Variants in WDR82 observed in about 807,000 individuals in gnomAD.
The protein encoded by WDR82 is WD repeat-containing protein 82.
A neutral mutation model predicts 36.1 loss-of-function variants in WDR82; 8 were observed. The observed-to-expected ratio is 0.22, with a 90% CI of 0.13 to 0.40. The LOEUF is 0.40. Among genes scored for constraint, WDR82 ranks in the 10% least tolerant of loss-of-function variants. The pLI, the probability that WDR82 is intolerant of heterozygous loss-of-function variation, is 1.00. For synonymous variants in WDR82, 129 were observed against 137.8 expected (o/e 0.94, Z 0.45); for missense variants, 185 against 400.5 (o/e 0.46, Z 4.59).
At chr3:52,269,363 T>C (rs1700133433) in intron 2 of WDR82, among the ~76,000 whole-genome samples, 1 of 152,096 alleles carries the variant, frequency 6.6e-6, no homozygotes, top group Non-Finnish European at 1.5e-5. Context: ...TAATACCAGC[T>C]ACTTGGGAGG....
At chr3:52,266,334 T>G (rs555580888) in intron 3 of WDR82, among the ~76,000 whole-genome samples, 3 of 152,256 alleles carry the variant, frequency 2.0e-5, no homozygotes, top group Admixed American at 6.5e-5. Context: ...AAGTTTTCAC[T>G]GAATATCTTT....
At chr3:52,269,807 A>C (rs1051983895) in intron 2 of WDR82, among the ~76,000 whole-genome samples, 2 of 152,232 alleles carry the variant, frequency 1.3e-5, no homozygotes, top group African/African-American at 2.4e-5. Flanking sequence ...AATAAGTGTT[A>C]CAGTTCAGTT....
chr3:52,268,258 G>T, intron 2 of WDR82: 1 of 467,338 alleles, frequency 2.1e-6, no homozygotes, highest in Non-Finnish European at 4.5e-6. Flanking sequence ...AGCCCCACTT[G>T]GCAGCTGGCG....
intron 1 of WDR82, 57 bp downstream of exon 1, chr3:52,278,144 G>T: frequency 6.7e-7 from 1 of 1,502,288 alleles, no homozygotes; most frequent in Non-Finnish European, 8.9e-7. Context: ...AGGGACCTGT[G>T]CTGGGCCACC....
chr3:52,265,605 T>C (rs1368932115), intron 3 of WDR82, among the ~76,000 whole-genome samples: 1 of 142,946 alleles, frequency 7.0e-6, no homozygotes, highest in Non-Finnish European at 1.5e-5. Context: ...AGGGTCTTGC[T>C]CTGTCACCCA....
intron 2 of WDR82, chr3:52,268,040 G>C (rs948530872): frequency 4.4e-6 from 1 of 224,728 alleles, no homozygotes; most frequent in African/African-American, 2.3e-5. Context: ...ACTTGGGAGG[G>C]GGAATAGGGG....
chr3:52,268,292 C>G (rs1578009034), intron 2 of WDR82: 1 of 471,810 alleles, frequency 2.1e-6, no homozygotes. Context: ...AAGGCAGTGG[C>G]CTGTACAGTT....
chr3:52,263,631 T>A (rs1432601690), intron 3 of WDR82, among the ~76,000 whole-genome samples: 2 of 152,316 alleles, frequency 1.3e-5, no homozygotes, highest in Admixed American at 6.5e-5. Flanking sequence ...AAGTGACACA[T>A]GAGGTTAAAC....
chr3:52,270,658 G>T, intron 2 of WDR82, 54 bp downstream of exon 2: 1 of 1,363,742 alleles, frequency 7.3e-7, no homozygotes, highest in Non-Finnish European at 1.0e-6. Context: ...AAGATTCCAT[G>T]AACTATTTAA....
At chr3:52,257,890 T>TA (rs1700027461) in intron 8 of WDR82, among the ~76,000 whole-genome samples, 1 of 151,608 alleles carries the variant, frequency 6.6e-6, no homozygotes, top group African/African-American at 2.4e-5. Flanking sequence ...CTGTAAAAAG[T>TA]AAGGAACTGG....
chr3:52,260,529 T>G, intron 4 of WDR82, 28 bp from the exon 5 acceptor site: 1 of 1,474,036 alleles, frequency 6.8e-7, no homozygotes, highest in South Asian at 1.3e-5. Flanking sequence ...AGAAATACAC[T>G]AAAACACACA....
chr3:52,261,303 C>A (rs1700059364), intron 4 of WDR82, 77 bp downstream of exon 4: 3 of 1,262,892 alleles, frequency 2.4e-6, no homozygotes, highest in East Asian at 2.4e-5. Flanking sequence ...TGTTTTCTCC[C>A]TTCTTTGAGA....
intron 2 of WDR82, chr3:52,268,335 A>G: frequency 2.1e-6 from 1 of 472,260 alleles, no homozygotes; most frequent in South Asian, 1.5e-5. Flanking sequence ...ATAGACCCTC[A>G]AACTGTACAA....
intron 3 of WDR82, among the ~76,000 whole-genome samples, chr3:52,266,698 A>G (rs1387713081): frequency 1.3e-5 from 2 of 152,182 alleles, no homozygotes. Context: ...GCGGCCTCCC[A>G]AAGTGCTGGG....
intron 2 of WDR82, among the ~76,000 whole-genome samples, chr3:52,270,038 C>G (rs1700139646): frequency 6.6e-6 from 1 of 152,190 alleles, no homozygotes; most frequent in South Asian, 2.1e-4. Flanking sequence ...TGAAACTTTT[C>G]TCAAATCTCT....
intron 7 of WDR82, among the ~76,000 whole-genome samples, 189 bp downstream of exon 7, chr3:52,259,008 C>T (rs1700036600): frequency 6.6e-6 from 1 of 152,220 alleles, no homozygotes; most frequent in South Asian, 2.1e-4. Flanking sequence ...TAAGGTAGTG[C>T]TTGTGGAGTT....
chr3:52,276,437 G>GA lies in WDR82; in HGVS notation c.161+1763dup, dbSNP rs1237284083. On this transcript the variant is annotated intron_variant, in intron 1 of 8. Transcript: ENST00000296490. ...CGGAGAGAGACTCCGTCCCCCACCCGAAAAAAAAAAACAAAAAAAAGAAAG... is the reference window on the plus strand; with the variant it reads ...CGGAGAGAGACTCCGTCCCCCACCCGAAAAAAAAAAAACAAAAAAAAGAAAG... Among the ~76,000 whole-genome samples, 1,143 of 136,316 alleles carry GA rather than the reference G, an allele frequency of 8.4e-3. 14 individuals carry two copies. The highest frequency in any genetic ancestry group is 0.026 in the African/African-American group (978 of 36,974). 89.4% of individuals were successfully genotyped at this position (136,316 alleles called of 152,430 possible). A position where few individuals can be genotyped will look rare whatever the true frequency, so the allele number is the denominator to read the frequency against.
intron 1 of WDR82, among the ~76,000 whole-genome samples, chr3:52,275,452 TCAC>T (rs1468984644): frequency 6.6e-6 from 1 of 152,162 alleles, no homozygotes; most frequent in Non-Finnish European, 1.5e-5. Flanking sequence ...GGCCACTCCT[TCAC>T]CACAGATAAT....
rs117900739 is a variant in WDR82 at position 52,261,193 on chromosome 3, A to G, written c.426+187T>C. Among the ~76,000 whole-genome samples the G allele has an allele frequency of 1.5e-3, 232 of 152,336 alleles. 2 individuals carry two copies. The East Asian group carries it at 0.042, about 28-fold the overall frequency. ...ACAATTAAGCCACAGAGTACAATGC[A>G]ATCTGCACTAGATTAGGGTATGTGC... On this transcript the variant is annotated intron_variant, in intron 4 of 8. Coordinates refer to ENST00000296490, the MANE Select transcript of WDR82 (RefSeq NM_025222.4).
Sources: gnomAD v4.1 joint callset for allele counts (sites outside exome capture counted in the v4.1 genomes callset) on GRCh38, gnomAD v4.1.1 for gene constraint, MANE v1.5 for transcripts, NCBI Gene and HGNC (gene_info 2026-07-23, HGNC 2026-07-21) for gene names.